DUOX2: variants seen among roughly 807,000 people sequenced by gnomAD.
DUOX2 encodes dual oxidase 2.
DUOX2 carries 185 observed loss-of-function variants against 183.3 expected under a neutral mutation model. The ratio of observed to expected loss-of-function variants is 1.01; its 90% CI spans 0.90 to 1.14. DUOX2 has a LOEUF of 1.14. Among genes scored for constraint, DUOX2 ranks in the 50% most tolerant of loss-of-function variants. The pLI is 0.00. For missense variants in DUOX2, 1,999 were observed against 2,022.9 expected, an observed-to-expected ratio of 0.99 and a Z score of 0.23; for synonymous variants, 788 against 812.4, an observed-to-expected ratio of 0.97 and a Z score of 0.51.
At position 45,108,233 on chromosome 15, in the gene DUOX2, A is replaced by G; in HGVS notation, c.1399-11T>C. The G allele has an allele frequency of 6.2e-7, 1 of 1,613,968 alleles. No homozygotes were observed. Among genetic ancestry groups the G allele is most frequent in the Non-Finnish European group, 8.5e-7 (1 of 1,179,994 alleles). ...TGTGGCCTCCAGCACCTGGGGCACCACAGGAGATAAGGGGTGAGCGTATGT... is the reference window on the plus strand; with the variant it reads ...TGTGGCCTCCAGCACCTGGGGCACCGCAGGAGATAAGGGGTGAGCGTATGT... On this transcript the variant is annotated splice_polypyrimidine_tract_variant and intron_variant, in intron 12 of 33. Coordinates refer to ENST00000389039, the MANE Select transcript of DUOX2 (RefSeq NM_001363711.2).
At chr15:45,113,556 G>A in intron 1 of DUOX2, 131 bp from the exon 2 acceptor site, 1 of 734,744 alleles carries the variant, frequency 1.4e-6, no homozygotes, top group Non-Finnish European at 2.3e-6. Flanking sequence ...CTGGAAGGTA[G>A]CTGTTAGAAG....
intron 21 of DUOX2, 39 bp downstream of exon 21, chr15:45,101,754 C>G: frequency 6.2e-7 from 1 of 1,612,506 alleles, no homozygotes; most frequent in Non-Finnish European, 8.5e-7. Context: ...TGAGGACACG[C>G]CCCCCCTCCC....
In DUOX2 at chr15:45,097,378, C is replaced by T. The variant is rs1893932488; in HGVS notation, c.3707G>A (p.Gly1236Asp). 2 of 1,614,248 alleles carry T rather than the reference C, an allele frequency of 1.2e-6. No homozygotes were observed. The highest frequency in any genetic ancestry group is 1.6e-4 in the Middle Eastern group (1 of 6,062). ...GGGCAGCTGGATCAGAGCATAGCTG[C>T]CATGGATGATGAGCTGGAGACACGG... The part of the protein sequence containing the change: ...ILLYALLIIH[G>D]SYALIQLPTF... The change falls in exon 29 of 34, where the codon GGC (glycine) becomes GAC (aspartate). Residue 1236 changes from glycine to aspartate, a missense_variant. Gly to Asp is a moderately conservative substitution (Grantham distance 94, BLOSUM62 -1). Coordinates refer to ENST00000389039, the MANE Select transcript of DUOX2 (RefSeq NM_001363711.2).
intron 20 of DUOX2, among the ~76,000 whole-genome samples, chr15:45,103,201 A>G (rs1894124456): frequency 6.6e-6 from 1 of 152,236 alleles, no homozygotes; most frequent in Non-Finnish European, 1.5e-5. Context: ...TGCTTAAAGC[A>G]ATGTTAAGGC....
intron 31 of DUOX2, 70 bp from the exon 32 acceptor site, chr15:45,095,161 TG>T (rs1893868317): frequency 6.4e-7 from 1 of 1,554,206 alleles, no homozygotes; most frequent in South Asian, 1.2e-5. Context: ...TGCCTTCACC[TG>T]AGAGGCTGGG....
At position 45,095,493 on chromosome 15, in the gene DUOX2, T is replaced by C. The variant is rs1230772843; in HGVS notation, c.4183A>G (p.Ile1395Val). The C allele has an allele frequency of 3.7e-6, 6 of 1,614,104 alleles. No homozygotes were observed. Among genetic ancestry groups the C allele is most frequent in the Non-Finnish European group, 5.1e-6 (6 of 1,180,042 alleles). Residue 1395 changes from isoleucine (I) to valine (V), a missense_variant, in exon 31 of 34, where the codon ATC (isoleucine) becomes GTC (valine). Transcript: ENST00000389039. ...GACTTGAAGACCAGGTCTTTGAGGATGGAGGCAAAGGGGGTGACCCCAATG... is the reference window on the plus strand; with the variant it reads ...GACTTGAAGACCAGGTCTTTGAGGACGGAGGCAAAGGGGGTGACCCCAATG... Reference protein sequence around the residue: ...GGIGVTPFASILKDLVFKSSL... With the variant: ...GGIGVTPFASVLKDLVFKSSL...
chr15:45,108,442 T>A, intron 12 of DUOX2: 1 of 614,854 alleles, frequency 1.6e-6, no homozygotes, highest in Non-Finnish European at 2.8e-6. Context: ...TAGGACCATA[T>A]CCTGTGACCA....
rs561150178 is a variant in DUOX2, at chr15:45,109,463, C to G, written c.1234+61G>C. 2.2e-4 allele frequency: 334 copies of G among 1,503,280 alleles called. 3 individuals carry two copies. The South Asian group carries it at 3.6e-3, about 16-fold the overall frequency. 93.1% of individuals were successfully genotyped at this position (1,503,280 alleles called of 1,614,324 possible). ...CGCCCTAGGTCTGCTATTGATGAAC[C>G]CAGAGGGATCCTCAGGCTTCCTGGT... is the stretch of plus-strand genomic sequence containing the variant. On this transcript the variant is annotated intron_variant, in intron 11 of 33. Transcript: ENST00000389039.
At chr15:45,107,019 G>A in intron 14 of DUOX2, 50 bp from the exon 15 acceptor site, 4 of 1,556,102 alleles carry the variant, frequency 2.6e-6, no homozygotes, top group Non-Finnish European at 3.5e-6. Context: ...CCCGCTATGT[G>A]GCCAGACCTC....
Position 45,100,149 on chromosome 15 carries a change from G to A in DUOX2, c.3085C>T (p.Gln1029Ter), listed in dbSNP as rs1456557225. Residue 1029 changes from glutamine (Q) to a stop codon, truncating the protein, a stop_gained, in exon 24 of 34, where the codon CAG (glutamine) becomes TAG (stop). Transcript: ENST00000389039. LOFTEE classifies it high-confidence loss of function. ...MQRGFLAQKLQQYKRFVENYR... is the reference protein window; with the variant it reads ...MQRGFLAQKL ...TTCTCCACGAAGCGCTTGTACTGCT[G>A]CAGCTTTTGGGCTAGGAAGCCTCGC... is the stretch of plus-strand genomic sequence containing the variant. 1 of 1,614,202 alleles carries A rather than the reference G, an allele frequency of 6.2e-7. No individual in the cohort carries two copies. Among genetic ancestry groups the A allele is most frequent in the Admixed American group, 1.7e-5 (1 of 60,032 alleles).
intron 17 of DUOX2, 105 bp from the exon 18 acceptor site, chr15:45,105,933 C>A: frequency 6.7e-7 from 1 of 1,495,928 alleles, no homozygotes; most frequent in South Asian, 1.2e-5. Flanking sequence ...AAACTCCTCC[C>A]CATCCATCCA....
At position 45,093,923 on chromosome 15, in the gene DUOX2, G is replaced by C; in HGVS notation, c.*227C>G. The C allele has an allele frequency of 1.7e-6, 1 of 578,220 alleles. No homozygotes were observed. Among genetic ancestry groups the C allele is most frequent in the South Asian group, 2.0e-5 (1 of 50,864 alleles). The allele number at this position is 578,220 out of a possible 1,614,324, so 35.8% of individuals were successfully genotyped here. On this transcript the variant is annotated 3_prime_UTR_variant, in exon 34 of 34. Transcript: ENST00000389039. ...CAGGAATGGTGCCGTTGATAAACAG[G>C]TGGACTTATAATCATCATGCACTGC...
Position 45,100,840 on chromosome 15 carries a change from T to C in DUOX2, c.2922-2A>G. 1 of 1,604,110 alleles carries C rather than the reference T, an allele frequency of 6.2e-7. No individual in the cohort carries two copies. The highest frequency in any genetic ancestry group is 8.5e-7 in the Non-Finnish European group (1 of 1,171,496). ...GGCCCCAGTCCCTGGGGGTGGGAGC[T>C]GAGAAAAAGAAATGGGGCTGTTCTC... On this transcript the variant is annotated splice_acceptor_variant, in intron 22 of 33. Transcript: ENST00000389039. LOFTEE classifies it high-confidence loss of function.
intron 23 of DUOX2, chr15:45,100,502 C>T: frequency 1.6e-6 from 1 of 609,688 alleles, no homozygotes; most frequent in Non-Finnish European, 2.9e-6. Flanking sequence ...CAAGGCTGTG[C>T]CCAAAGCAGG....
chr15:45,104,641 T>C (rs1021696776), intron 18 of DUOX2, among the ~76,000 whole-genome samples: 1 of 151,660 alleles, frequency 6.6e-6, no homozygotes, highest in East Asian at 1.9e-4. Context: ...AGGGCGAAGT[T>C]AAGGGGAATG....
Position 45,101,331 on chromosome 15 carries a change from TG to T in DUOX2, c.2852-58del, listed in dbSNP as rs1894076786. On this transcript the variant is annotated intron_variant, in intron 21 of 33. Coordinates refer to ENST00000389039, the MANE Select transcript of DUOX2 (RefSeq NM_001363711.2). The stretch of plus-strand genomic sequence containing the variant: ...TCCCCACAAGGGCAGTGGGGTAGGA[TG>T]GGAGACTGTGCCCTCCTCCCTTCTG... 2.1e-6 allele frequency: 3 copies of T among 1,442,776 alleles called. No individual in the cohort carries two copies. The Admixed American group carries it at 5.3e-5, about 25-fold the overall frequency. 89.4% of individuals were successfully genotyped at this position (1,442,776 alleles called of 1,614,324 possible).
chr15:45,099,013 CTTTT>C (rs1285199068), intron 26 of DUOX2: 69 of 224,932 alleles, frequency 3.1e-4, no homozygotes, highest in South Asian at 6.2e-4. Flanking sequence ...CTATTTCTTT[CTTTT>C]TTTTTTTTTT....
rs756177272 is a variant in DUOX2, at chr15:45,105,660, TGAA to T, written c.2314_2316del (p.Phe772del). 2.6e-5 allele frequency: 42 copies of T among 1,614,232 alleles called. No homozygotes were observed. Among genetic ancestry groups the T allele is most frequent in the Middle Eastern group, 1.6e-4 (1 of 6,062 alleles). On this transcript the variant is annotated inframe_deletion, in exon 18 of 34. Coordinates refer to ENST00000389039, the MANE Select transcript of DUOX2 (RefSeq NM_001363711.2). ...CATGGCACCTGAGCAAAAAGGTGTCTGAAGAAGATCTCCAGGATGCGTTCCCGC... is the reference window on the plus strand; with the variant it reads ...CATGGCACCTGAGCAAAAAGGTGTCTGAAGATCTCCAGGATGCGTTCCCGC...
intron 15 of DUOX2, 58 bp downstream of exon 15, chr15:45,106,774 A>G: frequency 1.9e-6 from 3 of 1,599,292 alleles, no homozygotes; most frequent in Non-Finnish European, 2.6e-6. Context: ...CCAGCCCCTC[A>G]GGCCAGCAGG....
Sources: allele counts gnomAD v4.1 joint callset (sites outside exome capture counted in the v4.1 genomes callset), GRCh38; gene constraint gnomAD v4.1.1; transcripts MANE v1.5; gene names NCBI Gene and HGNC (gene_info 2026-07-23, HGNC 2026-07-21).